The following ADCY2 variants were observed in gnomAD, a reference collection of about 807,000 sequenced individuals.
The protein encoded by ADCY2 is adenylate cyclase 2, also known as adenylate cyclase type 2.
ADCY2 carries 31 observed loss-of-function variants against 125.2 expected under a neutral mutation model. The ratio of observed to expected loss-of-function variants is 0.25; its 90% CI spans 0.19 to 0.33. ADCY2 has a LOEUF of 0.33. ADCY2 is among the 10% of genes least tolerant of loss of function. The probability of loss-of-function intolerance (pLI) is 1.00; values close to 1 mark genes in which losing one functional copy is unlikely to be tolerated. For missense variants in ADCY2, 904 were observed against 1,418.2 expected, an observed-to-expected ratio of 0.64 and a Z score of 5.82; for synonymous variants, 512 against 548.4, an observed-to-expected ratio of 0.93 and a Z score of 0.93.
intron 2 of ADCY2, among the ~76,000 whole-genome samples, chr5:7,507,831 T>A (rs1002286587): frequency 1.3e-5 from 2 of 152,168 alleles, no homozygotes; most frequent in African/African-American, 4.8e-5. Flanking sequence ...ATGAATAATG[T>A]TCGACTTCAG....
Position 7,772,623 on chromosome 5 carries a change from AT to A in ADCY2, c.2215-307del, listed in dbSNP as rs375256487. Among the ~76,000 whole-genome samples, 988 of 152,286 alleles carry A rather than the reference AT, an allele frequency of 6.5e-3. 4 individuals carry two copies. Among genetic ancestry groups the A allele is most frequent in the Non-Finnish European group, 0.01 (687 of 68,034 alleles). Reference sequence around the variant, plus strand: ...TTTTCATTTTCAAGAAATAGATAACATTGGCTTATAGTGATGTGTCTTCCAT... The same window carrying A: ...TTTTCATTTTCAAGAAATAGATAACATGGCTTATAGTGATGTGTCTTCCAT... On this transcript the variant is annotated intron_variant, in intron 17 of 24. Coordinates refer to ENST00000338316, the MANE Select transcript of ADCY2 (RefSeq NM_020546.3).
In ADCY2 at chr5:7,396,589, G is replaced by GGGCTGCCCCTCGGCCCGC; in HGVS notation, c.210+87_210+104dup. Reference sequence around the variant, plus strand: ...GGCCAGCCGAGCCGCGTCCCGCTCCGGGCTGCCCCTCGGCCCGCGGCAGCC... The same window carrying GGGCTGCCCCTCGGCCCGC: ...GGCCAGCCGAGCCGCGTCCCGCTCCGGGCTGCCCCTCGGCCCGCGGCTGCCCCTCGGCCCGCGGCAGCC... On this transcript the variant is annotated intron_variant, in intron 1 of 24. Transcript: ENST00000338316. The surrounding 1 kb of genome is among the most constrained non-coding windows in gnomAD (Gnocchi z 5.7). 8.2e-7 allele frequency: 1 copy of GGGCTGCCCCTCGGCCCGC among 1,217,234 alleles called. No homozygotes were observed. The highest frequency in any genetic ancestry group is 1.1e-6 in the Non-Finnish European group (1 of 943,218). The allele number at this position is 1,217,234 out of a possible 1,614,324, so 75.4% of individuals were successfully genotyped here. A position where few individuals can be genotyped will look rare whatever the true frequency, so the allele number is the denominator to read the frequency against.
chr5:7,442,471 G>A (rs541036899), intron 2 of ADCY2, among the ~76,000 whole-genome samples: 1 of 152,260 alleles, frequency 6.6e-6, no homozygotes, highest in East Asian at 1.9e-4. Flanking sequence ...GGACAAAAAT[G>A]CTACCCTGGT....
At chr5:7,621,080 A>G (rs1462159300) in intron 3 of ADCY2, among the ~76,000 whole-genome samples, 1 of 152,246 alleles carries the variant, frequency 6.6e-6, no homozygotes, top group Non-Finnish European at 1.5e-5. Flanking sequence ...AGCCATAACA[A>G]GGGATCTGAG....
At chr5:7,573,247 T>A (rs923962904) in intron 3 of ADCY2, among the ~76,000 whole-genome samples, 1 of 152,226 alleles carries the variant, frequency 6.6e-6, no homozygotes, top group Non-Finnish European at 1.5e-5. Flanking sequence ...AGGTTTAATA[T>A]AAGTTTTGCC....
rs975767068 is a variant in ADCY2 at position 7,501,653 on chromosome 5, C to T, written c.409-19085C>T. ...AAGAATGAGATTCCCCCCTCCCCCC[C>T]CCCCCGCCAGTAACTTCAAGTTATG... is the stretch of plus-strand genomic sequence containing the variant. On this transcript the variant is annotated intron_variant, in intron 2 of 24. Transcript: ENST00000338316. Among the ~76,000 whole-genome samples the T allele has an allele frequency of 4.8e-5, 5 of 105,134 alleles. 1 individual carries two copies. Among genetic ancestry groups the T allele is most frequent in the Non-Finnish European group, 8.5e-5 (4 of 46,968 alleles). The allele number at this position is 105,134 out of a possible 152,430, so 69.0% of individuals were successfully genotyped here.
chr5:7,777,061 A>ATG (rs1743754713), intron 18 of ADCY2, among the ~76,000 whole-genome samples: 1 of 151,142 alleles, frequency 6.6e-6, no homozygotes, highest in Non-Finnish European at 1.5e-5. Context: ...CCTTCTATAT[A>ATG]TATATATATA....
At chr5:7,452,061 C>T (rs1036051245) in intron 2 of ADCY2, among the ~76,000 whole-genome samples, 1 of 152,072 alleles carries the variant, frequency 6.6e-6, no homozygotes, top group African/African-American at 2.4e-5. Flanking sequence ...CAGGTGAGCA[C>T]CACCACATTT....
At chr5:7,480,688 C>T (rs953715973) in intron 2 of ADCY2, among the ~76,000 whole-genome samples, 6 of 152,076 alleles carry the variant, frequency 3.9e-5, no homozygotes, top group Non-Finnish European at 2.9e-5. Flanking sequence ...ATAATCTGTA[C>T]AACAAACCCC....
chr5:7,758,087 C>T (rs930736981), intron 16 of ADCY2, among the ~76,000 whole-genome samples: 14 of 152,184 alleles, frequency 9.2e-5, no homozygotes, highest in East Asian at 1.9e-4. Flanking sequence ...CCTTGCTCCC[C>T]GTCTCACCAG....
rs1739036502 is a variant in ADCY2 at position 7,396,380 on chromosome 5, G to T, written c.84G>T (p.Arg28=). Residue 28 remains arginine (R), a synonymous_variant, in exon 1 of 25, where the codon CGG becomes CGT. Coordinates refer to ENST00000338316, the MANE Select transcript of ADCY2 (RefSeq NM_020546.3). The surrounding 1 kb of genome is among the most constrained non-coding windows in gnomAD (Gnocchi z 5.7). ...CGGGCGGCGGAGACGGGCTGCCGCGGTCCCGGGACTGGCTCTACGAGTCCT... is the reference window on the plus strand; with the variant it reads ...CGGGCGGCGGAGACGGGCTGCCGCGTTCCCGGGACTGGCTCTACGAGTCCT... The part of the protein sequence containing the change: ...EAAGGGDGLP[R]SRDWLYESYY... 6.4e-7 allele frequency: 1 copy of T among 1,562,190 alleles called. No homozygotes were observed. The highest frequency in any genetic ancestry group is 1.8e-5 in the Admixed American group (1 of 54,520).
At chr5:7,675,770 G>A (rs2126709291) in intron 4 of ADCY2, among the ~76,000 whole-genome samples, 1 of 152,328 alleles carries the variant, frequency 6.6e-6, no homozygotes, top group Admixed American at 6.5e-5. Context: ...ATGGTGGGCA[G>A]GTGTGTAGGT....
intron 4 of ADCY2, among the ~76,000 whole-genome samples, chr5:7,688,069 T>A (rs926986195): frequency 6.6e-6 from 1 of 152,124 alleles, no homozygotes; most frequent in African/African-American, 2.4e-5. Flanking sequence ...ATAGCCTAGA[T>A]CCAGACCCGT....
At chr5:7,503,188 A>G (rs1743660405) in intron 2 of ADCY2, among the ~76,000 whole-genome samples, 1 of 152,178 alleles carries the variant, frequency 6.6e-6, no homozygotes, top group Non-Finnish European at 1.5e-5. Flanking sequence ...CTTCATCTTT[A>G]CCCAGAGTAT....
chr5:7,804,219 A>G (rs1307180003), intron 21 of ADCY2, among the ~76,000 whole-genome samples: 1 of 152,220 alleles, frequency 6.6e-6, no homozygotes, highest in Non-Finnish European at 1.5e-5. Flanking sequence ...ACCATGCAAG[A>G]AAGAGCTCAC....
At chr5:7,769,941 C>A (rs1352031931) in intron 17 of ADCY2, among the ~76,000 whole-genome samples, 1 of 152,168 alleles carries the variant, frequency 6.6e-6, no homozygotes, top group African/African-American at 2.4e-5. Context: ...TATCCTATTG[C>A]CAGAATCGCT....
At chr5:7,400,241 A>AT (rs551440258) in intron 1 of ADCY2, among the ~76,000 whole-genome samples, 113 of 152,138 alleles carry the variant, frequency 7.4e-4, no homozygotes, top group Middle Eastern at 3.4e-3. Flanking sequence ...AATAAAGTAG[A>AT]TTTTTTTTAG....
chr5:7,804,803 C>A, intron 22 of ADCY2, 111 bp downstream of exon 22: 2 of 760,810 alleles, frequency 2.6e-6, no homozygotes, highest in Admixed American at 2.3e-5. Flanking sequence ...TTTTGTACAA[C>A]CTAAAGCTCA....
At chr5:7,537,813 T>G (rs1331168654) in intron 3 of ADCY2, among the ~76,000 whole-genome samples, 1 of 152,194 alleles carries the variant, frequency 6.6e-6, no homozygotes, top group Non-Finnish European at 1.5e-5. Flanking sequence ...TCCCTTCCCT[T>G]GCATGGATTC....
Sources: gnomAD v4.1 joint callset for allele counts (sites outside exome capture counted in the v4.1 genomes callset) on GRCh38, gnomAD v4.1.1 for gene constraint, Gnocchi (gnomAD v3.1) non-coding constraint, MANE v1.5 for transcripts, NCBI Gene and HGNC (gene_info 2026-07-23, HGNC 2026-07-21) for gene names.